The following MPPED1 variants were observed in gnomAD, a reference collection of about 807,000 sequenced individuals.
MPPED1 encodes the protein metallophosphoesterase domain containing 1.
MPPED1 carries 16 observed loss-of-function variants against 36.2 expected under a neutral mutation model. The observed-to-expected ratio is 0.44, with a 90% confidence interval of 0.30 to 0.67. The LOEUF is 0.67. MPPED1 is among the 30% of genes least tolerant of loss of function. The probability of loss-of-function intolerance (pLI) is 0.10; values close to 1 mark genes in which losing one functional copy is unlikely to be tolerated. For missense variants in MPPED1, 307 were observed against 453.4 expected (o/e 0.68, Z 2.93); for synonymous variants, 199 against 191.3 (o/e 1.04, Z -0.33).
At chr22:43,430,952 A>C (rs1929656281) in intron 2 of MPPED1, among the ~76,000 whole-genome samples, 1 of 147,706 alleles carries the variant, frequency 6.8e-6, no homozygotes, top group Non-Finnish European at 1.5e-5. Flanking sequence ...GCTTGGGTCT[A>C]GCTTCAGGTA....
chr22:43,422,103 C>T (rs770427439), intron 1 of MPPED1, among the ~76,000 whole-genome samples: 38 of 152,154 alleles, frequency 2.5e-4, no homozygotes, highest in Non-Finnish European at 4.3e-4. Flanking sequence ...GGCCCCAGAT[C>T]CAGGCCTCTC....
intron 5 of MPPED1, among the ~76,000 whole-genome samples, chr22:43,500,072 G>A (rs1454911088): frequency 8.3e-6 from 1 of 121,030 alleles, no homozygotes; most frequent in East Asian, 2.5e-4. Context: ...TGATGGTGAT[G>A]GAGGTGGTGG....
chr22:43,496,195 A>G (rs866608819), intron 4 of MPPED1, among the ~76,000 whole-genome samples: 441 of 4,652 alleles, frequency 0.095, no homozygotes, highest in Non-Finnish European at 0.11. Flanking sequence ...TGGTGGAGGT[A>G]GTGGTGGTGG....
intron 2 of MPPED1, among the ~76,000 whole-genome samples, chr22:43,431,612 T>C (rs1318572188): frequency 1.3e-5 from 2 of 152,176 alleles, no homozygotes; most frequent in African/African-American, 4.8e-5. Context: ...CTCCTGTAGC[T>C]AAGATCATGG....
Position 43,486,638 on chromosome 22 carries a change from C to T in MPPED1, c.633-11597C>T, listed in dbSNP as rs1278589663. Among the ~76,000 whole-genome samples the T allele has an allele frequency of 1.6e-4, 25 of 152,066 alleles. 1 individual carries two copies. The highest frequency in any genetic ancestry group is 1.6e-3 in the Admixed American group (25 of 15,276). ...CTGCTGGCAGGTCCTGTAAAAGGCC[C>T]TTCTTCCTCCACAGGACCTTCATGG... On this transcript the variant is annotated intron_variant, in intron 4 of 6. Coordinates refer to ENST00000443721, the MANE Select transcript of MPPED1 (RefSeq NM_001044370.2).
chr22:43,491,904 G>A (rs1225267699), intron 4 of MPPED1, among the ~76,000 whole-genome samples: 9 of 151,022 alleles, frequency 6.0e-5, no homozygotes, highest in African/African-American at 2.2e-4. Flanking sequence ...GGTGGTGTTG[G>A]AGGTGGTGGT....
intron 3 of MPPED1, among the ~76,000 whole-genome samples, chr22:43,459,745 T>C (rs1451651547): frequency 6.6e-6 from 1 of 152,266 alleles, no homozygotes; most frequent in Non-Finnish European, 1.5e-5. Flanking sequence ...TTGAATTCTT[T>C]AGACAGTTCT....
intron 5 of MPPED1, among the ~76,000 whole-genome samples, chr22:43,501,948 C>A (rs547636359): frequency 2.0e-5 from 3 of 152,134 alleles, no homozygotes; most frequent in Non-Finnish European, 4.4e-5. Flanking sequence ...GTTGCAGAAA[C>A]CTGTTCTGCT....
At chr22:43,501,827 C>T (rs1401364738) in intron 5 of MPPED1, among the ~76,000 whole-genome samples, 1 of 152,024 alleles carries the variant, frequency 6.6e-6, no homozygotes, top group Non-Finnish European at 1.5e-5. Context: ...CCTTCTCCCC[C>T]TCCTCCTCCT....
intron 1 of MPPED1, among the ~76,000 whole-genome samples, chr22:43,422,737 A>C (rs1929317883): frequency 6.6e-6 from 1 of 152,168 alleles, no homozygotes; most frequent in African/African-American, 2.4e-5. Context: ...TGACCATCAC[A>C]GCTGAGGTGA....
intron 4 of MPPED1, among the ~76,000 whole-genome samples, chr22:43,495,530 G>GAGGTGA (rs1932266359): frequency 1.6e-5 from 1 of 62,072 alleles, no homozygotes; most frequent in Non-Finnish European, 3.1e-5. Flanking sequence ...GGAGGTGGTG[G>GAGGTGA]TGGTGGAGAT....
intron 3 of MPPED1, among the ~76,000 whole-genome samples, chr22:43,460,393 C>T (rs1457003857): frequency 6.6e-6 from 1 of 151,340 alleles, no homozygotes; most frequent in African/African-American, 2.4e-5. Flanking sequence ...TGCAGTGGCA[C>T]AATCGTGGCT....
At chr22:43,503,538 T>C (rs62232045) in intron 6 of MPPED1, among the ~76,000 whole-genome samples, 64,652 of 151,730 alleles carry the variant, frequency 0.43, 14,947 homozygotes, top group African/African-American at 0.59. Flanking sequence ...TGGTCCATAT[T>C]AGATCGTTTT....
chr22:43,488,630 G>C (rs1314411396), intron 4 of MPPED1, among the ~76,000 whole-genome samples: 1 of 152,202 alleles, frequency 6.6e-6, no homozygotes, highest in African/African-American at 2.4e-5. Flanking sequence ...GTTAAAGTTT[G>C]AATTAATTTT....
chr22:43,496,093 A>G (rs375795515), intron 4 of MPPED1, among the ~76,000 whole-genome samples: 229 of 2,286 alleles, frequency 0.1, 1 homozygote, highest in Middle Eastern at 0.25. Flanking sequence ...TGGTGGAGGT[A>G]GTGGTGGTGG....
chr22:43,439,951 C>T (rs1407839846), intron 3 of MPPED1, among the ~76,000 whole-genome samples: 8 of 152,376 alleles, frequency 5.3e-5, no homozygotes, highest in South Asian at 4.1e-4. Flanking sequence ...CTCCTCTGTA[C>T]GCCCAGAGCT....
chr22:43,413,409 G>T (rs148965902), intron 1 of MPPED1, among the ~76,000 whole-genome samples: 51 of 152,232 alleles, frequency 3.4e-4, no homozygotes, highest in Middle Eastern at 6.8e-3. Flanking sequence ...AACCAACTTG[G>T]TGAGAAACCT....
chr22:43,414,334 T>A (rs1929005171), intron 1 of MPPED1, among the ~76,000 whole-genome samples: 1 of 152,120 alleles, frequency 6.6e-6, no homozygotes, highest in African/African-American at 2.4e-5. Context: ...AGGACACATC[T>A]CTCTCTGCTT....
At chr22:43,460,784 C>T (rs376289170) in intron 3 of MPPED1, among the ~76,000 whole-genome samples, 1 of 152,118 alleles carries the variant, frequency 6.6e-6, no homozygotes, top group South Asian at 2.1e-4. Context: ...TTTACAAAAG[C>T]CTTCACTTCT....
Sources: gnomAD v4.1 joint callset for allele counts (sites outside exome capture counted in the v4.1 genomes callset) on GRCh38, gnomAD v4.1.1 for gene constraint, MANE v1.5 for transcripts, NCBI Gene and HGNC (gene_info 2026-07-23, HGNC 2026-07-21) for gene names.